The following NTM variants were observed in gnomAD, a reference collection of about 807,000 sequenced individuals.
NTM encodes IgLON family member 2.
Under a neutral mutation model 42.1 loss-of-function variants are expected in NTM, and 13 were observed. That is an observed-to-expected ratio of 0.31 (90% confidence interval 0.20 to 0.49). The LOEUF (loss-of-function observed/expected upper bound fraction) is 0.49. Among genes scored for constraint, NTM ranks in the 20% least tolerant of loss-of-function variants. The probability of loss-of-function intolerance (pLI) is 0.99; values close to 1 mark genes in which losing one functional copy is unlikely to be tolerated. For missense variants in NTM, 373 were observed against 452.8 expected (o/e 0.82, Z 1.60); for synonymous variants, 187 against 179.2 (o/e 1.04, Z -0.35).
At chr11:132,009,348 G>A (rs887770313) in intron 2 of NTM, among the ~76,000 whole-genome samples, 15 of 152,158 alleles carry the variant, frequency 9.9e-5, no homozygotes, top group Non-Finnish European at 1.9e-4. Flanking sequence ...GTTTGAGATT[G>A]GAACAGCAAA....
chr11:131,471,415 T>C (rs1952429787), intron 1 of NTM, among the ~76,000 whole-genome samples: 1 of 152,166 alleles, frequency 6.6e-6, no homozygotes, highest in African/African-American at 2.4e-5. Flanking sequence ...CTATCACGTA[T>C]GGGGAAAAGA....
chr11:131,841,139 G>T (rs565172211), intron 1 of NTM, among the ~76,000 whole-genome samples: 1 of 152,300 alleles, frequency 6.6e-6, no homozygotes, highest in South Asian at 2.1e-4. Flanking sequence ...AAATGACTAG[G>T]ATGTTGTTCC....
At chr11:132,180,392 G>T (rs776181229) in intron 3 of NTM, among the ~76,000 whole-genome samples, 8 of 152,022 alleles carry the variant, frequency 5.3e-5, no homozygotes, top group Non-Finnish European at 7.4e-5. Flanking sequence ...TAGCCAAGAA[G>T]TAAAGCAAGC....
At chr11:131,689,882 T>C (rs931477208) in intron 1 of NTM, among the ~76,000 whole-genome samples, 1 of 152,236 alleles carries the variant, frequency 6.6e-6, no homozygotes, top group African/African-American at 2.4e-5. Context: ...ACTGGTCGTA[T>C]ACCTATTACC....
chr11:131,736,077 C>T (rs1041567235), intron 1 of NTM, among the ~76,000 whole-genome samples: 4 of 152,082 alleles, frequency 2.6e-5, no homozygotes, highest in South Asian at 2.1e-4. Context: ...AAGTGATCCT[C>T]CCGTCTCAGT....
chr11:131,579,448 T>C (rs2058206593), intron 1 of NTM, among the ~76,000 whole-genome samples: 2 of 152,196 alleles, frequency 1.3e-5, no homozygotes, highest in African/African-American at 4.8e-5. Context: ...TAGAGTACTG[T>C]CTAATCATTG....
intron 1 of NTM, among the ~76,000 whole-genome samples, chr11:131,532,294 G>A (rs997902686): frequency 6.6e-6 from 1 of 152,140 alleles, no homozygotes. Flanking sequence ...GCCTATTCTA[G>A]GCATTTTATG....
chr11:132,146,684 T>A lies in NTM; in HGVS notation c.400+170T>A. 1.7e-6 allele frequency: 1 copy of A among 586,150 alleles called. No individual in the cohort carries two copies. The highest frequency in any genetic ancestry group is 2.9e-6 in the Non-Finnish European group (1 of 349,072). The allele number at this position is 586,150 out of a possible 1,614,324, so 36.3% of individuals were successfully genotyped here. On this transcript the variant is annotated intron_variant, in intron 3 of 8. Coordinates refer to ENST00000683400, the MANE Select transcript of NTM (RefSeq NM_001352005.2). This position sits in a 1 kb window ranked among gnomAD's most constrained non-coding sequence, Gnocchi z 4.5. ...TGCAGTTAGAAGCTAAATTTTCCAG[T>A]CATTTTCATTGAGTGGAACTAGGAA...
In NTM at chr11:131,948,396, A is replaced by AAGAAAACAAAAAAT. The variant is rs1555189017; in HGVS notation, c.167+36752_167+36753insAACAAAAAATAGAA. On this transcript the variant is annotated intron_variant, in intron 2 of 8. Coordinates refer to ENST00000683400, the MANE Select transcript of NTM (RefSeq NM_001352005.2). ...AACAAAAAAACAAAAAAACAAAAAA[A>AAGAAAACAAAAAAT]AGAAGTGAAGCCCAATCATTATCAC... Among the ~76,000 whole-genome samples, 554 of 152,168 alleles carry AAGAAAACAAAAAAT rather than the reference A, an allele frequency of 3.6e-3. 6 individuals carry two copies. Among genetic ancestry groups the AAGAAAACAAAAAAT allele is most frequent in the African/African-American group, 0.013 (531 of 41,528 alleles).
chr11:131,395,949 ACC>A (rs1249175701), intron 1 of NTM, among the ~76,000 whole-genome samples: 2 of 152,178 alleles, frequency 1.3e-5, no homozygotes, highest in African/African-American at 4.8e-5. Context: ...TCAAGCAACA[ACC>A]TGTGAGAAGT....
chr11:131,438,347 G>T (rs1017991565), intron 1 of NTM, among the ~76,000 whole-genome samples: 1 of 151,578 alleles, frequency 6.6e-6, no homozygotes, highest in Admixed American at 6.8e-5. Context: ...GGTTGGGGAA[G>T]TTCTCCTGGA....
chr11:131,965,332 C>T (rs112086086), intron 2 of NTM, among the ~76,000 whole-genome samples: 5,863 of 151,922 alleles, frequency 0.039, 384 homozygotes, highest in African/African-American at 0.13. Context: ...CTCAACGTCT[C>T]CTGGAAAGCA....
chr11:132,074,455 C>T (rs924638465), intron 2 of NTM, among the ~76,000 whole-genome samples: 4 of 152,054 alleles, frequency 2.6e-5, no homozygotes, highest in Non-Finnish European at 5.9e-5. Context: ...ATGGATTCTT[C>T]CCTACTCTCA....
At chr11:131,593,200 C>T (rs1034500647) in intron 1 of NTM, among the ~76,000 whole-genome samples, 3 of 152,182 alleles carry the variant, frequency 2.0e-5, no homozygotes, top group Non-Finnish European at 4.4e-5. Flanking sequence ...CCACCCATCC[C>T]TACACCTCTC....
chr11:132,007,373 G>T (rs1726339473), intron 2 of NTM, among the ~76,000 whole-genome samples: 1 of 152,152 alleles, frequency 6.6e-6, no homozygotes, highest in South Asian at 2.1e-4. Flanking sequence ...GCCAGCTGAT[G>T]CCAGGCTGCA....
At chr11:132,194,019 T>C (rs2079746959) in intron 3 of NTM, among the ~76,000 whole-genome samples, 1 of 151,972 alleles carries the variant, frequency 6.6e-6, no homozygotes, top group South Asian at 2.1e-4. Context: ...GGATTCACAG[T>C]CAAATTTTAC....
chr11:132,289,142 T>C (rs1225264983), intron 4 of NTM, among the ~76,000 whole-genome samples: 2 of 152,214 alleles, frequency 1.3e-5, no homozygotes, highest in African/African-American at 4.8e-5. Flanking sequence ...TGCTTTAAGA[T>C]CTGGCAATTT....
intron 5 of NTM, among the ~76,000 whole-genome samples, chr11:132,309,906 A>G (rs377044967): frequency 5.3e-5 from 8 of 152,230 alleles, no homozygotes; most frequent in African/African-American, 1.9e-4. Context: ...AAATACAAAA[A>G]TTAGGCAGGC....
chr11:131,751,589 CAAAAA>C (rs34297944), intron 1 of NTM, among the ~76,000 whole-genome samples: 2 of 116,106 alleles, frequency 1.7e-5, no homozygotes, highest in Non-Finnish European at 3.7e-5. Context: ...GACTCCGTCT[CAAAAA>C]AAAAAAAAAA....
Sources: gnomAD v4.1 joint callset for allele counts (sites outside exome capture counted in the v4.1 genomes callset) on GRCh38, gnomAD v4.1.1 for gene constraint, Gnocchi (gnomAD v3.1) non-coding constraint, MANE v1.5 for transcripts, NCBI Gene and HGNC (gene_info 2026-07-23, HGNC 2026-07-21) for gene names.